DCST1: variants seen among roughly 807,000 people sequenced by gnomAD.
DCST1 encodes E3 ubiquitin-protein ligase DCST1.
In DCST1, 78 loss-of-function variants were observed where a neutral mutation model predicts 89.1. That is an observed-to-expected ratio of 0.88 (90% CI 0.73 to 1.06). The LOEUF is 1.06. Among genes scored for constraint, DCST1 ranks in the 50% least tolerant of loss-of-function variants. The pLI, the probability that DCST1 is intolerant of heterozygous loss-of-function variation, is 0.00. For missense variants in DCST1, 900 were observed against 928.6 expected (o/e 0.97, Z 0.40); for synonymous variants, 364 against 371.9 (o/e 0.98, Z 0.24).
At chr1:155,049,085 G>A in intron 16 of DCST1, 1 of 716,938 alleles carries the variant, frequency 1.4e-6, no homozygotes, top group Non-Finnish European at 2.6e-6. Context: ...CTAGAGTGGT[G>A]GTCAGGTGTG....
Position 155,047,941 on chromosome 1 carries a change from C to A in DCST1, c.1755+12C>A. ...TCTACTTCCCCAAGGTTTGCCCCTCCCCAGACCTCTCCACCCCTACACACC... is the reference window on the plus strand; with the variant it reads ...TCTACTTCCCCAAGGTTTGCCCCTCACCAGACCTCTCCACCCCTACACACC... On this transcript the variant is annotated intron_variant, in intron 15 of 16. Coordinates refer to ENST00000295542, the MANE Select transcript of DCST1 (RefSeq NM_152494.4). The A allele has an allele frequency of 6.2e-7, 1 of 1,614,008 alleles. No individual in the cohort carries two copies. The highest frequency in any genetic ancestry group is 8.5e-7 in the Non-Finnish European group (1 of 1,179,974).
In DCST1 at chr1:155,041,877, G is replaced by A. The variant is rs765903717; in HGVS notation, c.892+20G>A. 1.9e-6 allele frequency: 3 copies of A among 1,613,968 alleles called. No individual in the cohort carries two copies. The highest frequency in any genetic ancestry group is 2.2e-5 in the South Asian group (2 of 91,078). On this transcript the variant is annotated intron_variant, in intron 8 of 16. Coordinates refer to ENST00000295542, the MANE Select transcript of DCST1 (RefSeq NM_152494.4). ...CCAAGGGTCTGCACAGTTGCAAAGG[G>A]GTGGGGAGCATCGGGGTAGGGAGCT...
At chr1:155,039,614 G>GA (rs1183593669) in intron 5 of DCST1, 83 bp downstream of exon 5, 2 of 1,445,836 alleles carry the variant, frequency 1.4e-6, no homozygotes, top group Non-Finnish European at 1.8e-6. Context: ...GGGTGAAGGA[G>GA]AAAAGACAGG....
chr1:155,038,756 C>G (rs1660344230), intron 4 of DCST1, among the ~76,000 whole-genome samples: 1 of 152,234 alleles, frequency 6.6e-6, no homozygotes, highest in Middle Eastern at 3.2e-3. Context: ...CCTTGGCTCC[C>G]ACAGCGCTCT....
chr1:155,050,787 G>A lies in DCST1; in HGVS notation c.2040G>A (p.Arg680=). 2 of 1,611,758 alleles carry A rather than the reference G, an allele frequency of 1.2e-6. No homozygotes were observed. Among genetic ancestry groups the A allele is most frequent in the Non-Finnish European group, 1.7e-6 (2 of 1,179,134 alleles). Residue 680 remains arginine (R), a synonymous_variant, in exon 17 of 17, where the codon CGG becomes CGA. Transcript: ENST00000295542. ...CGTGCTGGGACGACATGCGGCAGCG[G>A]TGCCCGGTCTGCACGCCCCGCGAAG... The part of the protein sequence containing the change: ...CWSCWDDMRQ[R]CPVCTPREEL...
chr1:155,044,545 A>C (rs1484327314), intron 10 of DCST1, among the ~76,000 whole-genome samples: 1 of 151,620 alleles, frequency 6.6e-6, no homozygotes, highest in African/African-American at 2.4e-5. Flanking sequence ...CACAAGACAG[A>C]GATGGTTCAA....
Position 155,034,103 on chromosome 1 carries a change from T to C in DCST1, c.61+6T>C. ...AAGAAAACAGCCTCATACCAGTGAGTCACTCAGCAGAGACCCAGTATCCCT... is the reference window on the plus strand; with the variant it reads ...AAGAAAACAGCCTCATACCAGTGAGCCACTCAGCAGAGACCCAGTATCCCT... On this transcript the variant is annotated splice_donor_region_variant and intron_variant, in intron 2 of 16. Coordinates refer to ENST00000295542, the MANE Select transcript of DCST1 (RefSeq NM_152494.4). The C allele has an allele frequency of 6.2e-7, 1 of 1,613,782 alleles. No homozygotes were observed. Among genetic ancestry groups the C allele is most frequent in the Non-Finnish European group, 8.5e-7 (1 of 1,179,902 alleles).
chr1:155,042,641 C>A, intron 8 of DCST1, 94 bp from the exon 9 acceptor site: 1 of 1,551,914 alleles, frequency 6.4e-7, no homozygotes. Flanking sequence ...GACAAAAAAG[C>A]AGGATGAGGA....
At chr1:155,044,659 G>A (rs1321952569) in intron 10 of DCST1, among the ~76,000 whole-genome samples, 2 of 152,190 alleles carry the variant, frequency 1.3e-5, no homozygotes, top group Non-Finnish European at 2.9e-5. Flanking sequence ...GCGGAACGGT[G>A]GTCAAGGAAA....
At chr1:155,049,840 A>T (rs1181282086) in intron 16 of DCST1, among the ~76,000 whole-genome samples, 1 of 152,260 alleles carries the variant, frequency 6.6e-6, no homozygotes, top group African/African-American at 2.4e-5. Context: ...GTCGTGAAGC[A>T]AACTGAATGT....
rs1660218492 is a variant in DCST1, at chr1:155,034,738, G to C, written c.262+11G>C. ...TGTACAGCTTGGTGGGTTAGTGCTG[G>C]GCAAAAGCCAGGAACACTCAAGCGG... is the stretch of plus-strand genomic sequence containing the variant. On this transcript the variant is annotated intron_variant, in intron 4 of 16. Transcript: ENST00000295542. 1.9e-6 allele frequency: 3 copies of C among 1,613,898 alleles called. No individual in the cohort carries two copies. Among genetic ancestry groups the C allele is most frequent in the Non-Finnish European group, 2.5e-6 (3 of 1,180,014 alleles).
At chr1:155,039,663 G>T in intron 5 of DCST1, 132 bp downstream of exon 5, 1 of 1,227,892 alleles carries the variant, frequency 8.1e-7, no homozygotes. Context: ...GTATGTCCCT[G>T]AGGGAGCTCC....
At chr1:155,045,296 G>A (rs1660581115) in intron 10 of DCST1, 1 of 153,332 alleles carries the variant, frequency 6.5e-6, no homozygotes, top group Admixed American at 6.5e-5. Context: ...TAGGGCTTTG[G>A]GAAATACATG....
chr1:155,043,948 C>T (rs1193393749), intron 10 of DCST1, among the ~76,000 whole-genome samples: 1 of 152,200 alleles, frequency 6.6e-6, no homozygotes, highest in Admixed American at 6.5e-5. Context: ...GCCCAGTGTC[C>T]AGCTGGGCTG....
chr1:155,034,874 TC>T, intron 4 of DCST1, 147 bp downstream of exon 4: 2 of 824,328 alleles, frequency 2.4e-6, no homozygotes, highest in Non-Finnish European at 3.9e-6. Flanking sequence ...TACGGGGAGG[TC>T]CAGAGGGAAG....
intron 10 of DCST1, among the ~76,000 whole-genome samples, chr1:155,044,770 G>A (rs1035072496): frequency 4.6e-5 from 7 of 152,224 alleles, no homozygotes; most frequent in Admixed American, 1.3e-4. Flanking sequence ...AGTCTGGAAA[G>A]CCCTGCAGGA....
At chr1:155,049,156 A>C in intron 16 of DCST1, 1 of 701,990 alleles carries the variant, frequency 1.4e-6, no homozygotes, top group Non-Finnish European at 2.7e-6. Context: ...TACTATGACA[A>C]CGGTGTGACC....
At chr1:155,048,530 C>A (rs1295279460) in intron 16 of DCST1, among the ~76,000 whole-genome samples, 1 of 152,186 alleles carries the variant, frequency 6.6e-6, no homozygotes, top group Non-Finnish European at 1.5e-5. Flanking sequence ...AAACTCCTGA[C>A]CTCAGGTGAT....
intron 11 of DCST1, 36 bp from the exon 12 acceptor site, chr1:155,046,089 T>C (rs778922798): frequency 6.2e-7 from 1 of 1,613,970 alleles, no homozygotes; most frequent in East Asian, 2.2e-5. Context: ...CAGAGGGCCC[T>C]TGGGCTTCCT....
Sources: allele counts gnomAD v4.1 joint callset (sites outside exome capture counted in the v4.1 genomes callset), GRCh38; gene constraint gnomAD v4.1.1; transcripts MANE v1.5; gene names NCBI Gene and HGNC (gene_info 2026-07-23, HGNC 2026-07-21).